NRXN1: variants seen among roughly 807,000 people sequenced by gnomAD.
The protein encoded by NRXN1 is neurexin-1.
In NRXN1, 39 loss-of-function variants were observed where a neutral mutation model predicts 150.9. The observed-to-expected ratio is 0.26, with a 90% confidence interval of 0.20 to 0.34. The LOEUF is 0.34. Ranked by LOEUF, NRXN1 falls within the 10% of genes least tolerant of loss-of-function variation. NRXN1 has a pLI of 1.00. For synonymous variants in NRXN1, 924 were observed against 757.0 expected, an observed-to-expected ratio of 1.22 and a Z score of -3.62; for missense variants, 1,815 against 1,949.9, an observed-to-expected ratio of 0.93 and a Z score of 1.30.
chr2:49,944,899 G>A (rs1258207494), intron 21 of NRXN1, among the ~76,000 whole-genome samples: 1 of 152,084 alleles, frequency 6.6e-6, no homozygotes, highest in Non-Finnish European at 1.5e-5. Flanking sequence ...TACGATATGA[G>A]CACCTAATAT....
chr2:50,505,815 C>A (rs1573304549), intron 13 of NRXN1, among the ~76,000 whole-genome samples: 1 of 152,208 alleles, frequency 6.6e-6, no homozygotes, highest in South Asian at 2.1e-4. Flanking sequence ...ACATGGCTAT[C>A]TCTCTGAAAA....
intron 21 of NRXN1, among the ~76,000 whole-genome samples, chr2:50,029,471 C>G (rs1655895319): frequency 6.6e-6 from 1 of 152,056 alleles, no homozygotes; most frequent in Non-Finnish European, 1.5e-5. Flanking sequence ...TAGATGAGGT[C>G]TTAAGCATGG....
intron 21 of NRXN1, among the ~76,000 whole-genome samples, chr2:49,958,582 G>T (rs187166979): frequency 1.3e-5 from 2 of 152,252 alleles, no homozygotes; most frequent in South Asian, 2.1e-4. Flanking sequence ...GGACAAGAAA[G>T]AAACCTATTC....
intron 17 of NRXN1, among the ~76,000 whole-genome samples, chr2:50,461,121 G>C (rs1023982360): frequency 6.6e-6 from 1 of 152,026 alleles, no homozygotes; most frequent in Admixed American, 6.6e-5. Flanking sequence ...GAGAAACAAA[G>C]CTGAAGATAT....
intron 22 of NRXN1, among the ~76,000 whole-genome samples, chr2:49,934,089 T>TTACA (rs1157879767): frequency 1.3e-5 from 2 of 152,188 alleles, no homozygotes; most frequent in Non-Finnish European, 2.9e-5. Flanking sequence ...TTGGAGTGAA[T>TTACA]TACATTTCTC....
intron 12 of NRXN1, among the ~76,000 whole-genome samples, chr2:50,508,348 A>G (rs2092325684): frequency 6.6e-6 from 1 of 152,198 alleles, no homozygotes; most frequent in South Asian, 2.1e-4. Flanking sequence ...ATAACTAGAG[A>G]AAGCCTGCTA....
chr2:50,121,213 G>A lies in NRXN1; in HGVS notation c.3547-29719C>T, dbSNP rs943540139. 1.2e-4 allele frequency among the ~76,000 whole-genome samples: 18 copies of A among 152,220 alleles called. No homozygotes were observed. In the South Asian group the frequency reaches 1.7e-3, roughly 14 times the overall value. ...ATTTTTTGTATTTTTAGTGGAGACC[G>A]GGTTTCGCCATGTTGGCCAGGCTGG... On this transcript the variant is annotated intron_variant, in intron 18 of 22. Coordinates refer to ENST00000401669, the MANE Select transcript of NRXN1 (RefSeq NM_001330078.2).
At chr2:50,929,141 C>T (rs184616272) in intron 2 of NRXN1, among the ~76,000 whole-genome samples, 2 of 152,068 alleles carry the variant, frequency 1.3e-5, no homozygotes, top group East Asian at 1.9e-4. Context: ...TTTTTATCTT[C>T]GGCCCCCAGC....
At position 51,028,624 on chromosome 2, in the gene NRXN1, A is replaced by G. The variant is rs911831903; in HGVS notation, c.-351T>C. On this transcript the variant is annotated 5_prime_UTR_variant, in exon 2 of 23. Transcript: ENST00000401669. ...TGACCCATTTGAGTCTGATTAACTA[A>G]TTTAAGAGTATCTGCAGTGTCAACA... The G allele has an allele frequency of 9.6e-5, 22 of 229,136 alleles. No individual in the cohort carries two copies. The East Asian group carries it at 1.8e-3, about 19-fold the overall frequency. The allele number at this position is 229,136 out of a possible 1,614,324, so 14.2% of individuals were successfully genotyped here.
intron 8 of NRXN1, among the ~76,000 whole-genome samples, chr2:50,572,938 G>A (rs1670869157): frequency 6.6e-6 from 1 of 152,024 alleles, no homozygotes; most frequent in South Asian, 2.1e-4. Flanking sequence ...TTTTTCATCT[G>A]TTCAGTCAGG....
At chr2:50,552,469 T>C (rs1327850785) in intron 9 of NRXN1, 118 bp downstream of exon 9, 4 of 740,348 alleles carry the variant, frequency 5.4e-6, no homozygotes, top group African/African-American at 3.5e-5. Flanking sequence ...CAATTTCTTT[T>C]AGGCTAAAGA....
intron 5 of NRXN1, among the ~76,000 whole-genome samples, chr2:50,658,440 T>TGTGTGTGTGTGTGTGTGTGTG (rs1686823012): frequency 1.7e-4 from 4 of 23,332 alleles, no homozygotes; most frequent in Admixed American, 4.6e-4. Context: ...GTGTGTGTGT[T>TGTGTGTGTGTGTGTGTGTGTG]TGAGGCAGGG....
chr2:50,058,668 G>A (rs1164812070), intron 19 of NRXN1, among the ~76,000 whole-genome samples: 6 of 152,082 alleles, frequency 3.9e-5, no homozygotes, highest in African/African-American at 7.2e-5. Flanking sequence ...TTGGATTGTC[G>A]CTCCCATAAT....
At chr2:50,360,187 T>A (rs1264947692) in intron 17 of NRXN1, among the ~76,000 whole-genome samples, 6 of 152,176 alleles carry the variant, frequency 3.9e-5, no homozygotes, top group African/African-American at 7.2e-5. Context: ...ATTGGCACTA[T>A]GAAGAAACTG....
chr2:50,799,042 C>T (rs887131127), intron 5 of NRXN1, among the ~76,000 whole-genome samples: 112 of 151,940 alleles, frequency 7.4e-4, no homozygotes, highest in African/African-American at 2.5e-3. Context: ...ACTTTTGCAC[C>T]AGCCTAATAA....
chr2:49,953,281 C>T (rs1185674402), intron 21 of NRXN1, among the ~76,000 whole-genome samples: 1 of 152,056 alleles, frequency 6.6e-6, no homozygotes, highest in Non-Finnish European at 1.5e-5. Flanking sequence ...ACTGCATGCC[C>T]CCAAATAAGC....
chr2:50,572,682 T>TG (rs1670836536), intron 8 of NRXN1, among the ~76,000 whole-genome samples: 1 of 152,192 alleles, frequency 6.6e-6, no homozygotes, highest in Admixed American at 6.6e-5. Flanking sequence ...TCACACCAAA[T>TG]TACAACAAAT....
chr2:50,663,047 C>T (rs1687526798), intron 5 of NRXN1, among the ~76,000 whole-genome samples: 1 of 151,766 alleles, frequency 6.6e-6, no homozygotes, highest in African/African-American at 2.4e-5. Context: ...GAAATGATGC[C>T]CAGTAATAAT....
chr2:50,827,015 T>G (rs531562030), intron 5 of NRXN1, among the ~76,000 whole-genome samples: 1 of 152,144 alleles, frequency 6.6e-6, no homozygotes, highest in Non-Finnish European at 1.5e-5. Flanking sequence ...GAGGAGAACA[T>G]AGCATCATGA....
Sources: gnomAD v4.1 joint callset for allele counts (sites outside exome capture counted in the v4.1 genomes callset) on GRCh38, gnomAD v4.1.1 for gene constraint, MANE v1.5 for transcripts, NCBI Gene and HGNC (gene_info 2026-07-23, HGNC 2026-07-21) for gene names.